Variants in COA1 observed in about 807,000 individuals in gnomAD.
COA1 encodes cytochrome c oxidase assembly factor 1 homolog.
COA1 carries 13 observed loss-of-function variants against 16.0 expected under a neutral mutation model. The observed-to-expected ratio is 0.81, with a 90% CI of 0.53 to 1.29. COA1 has a LOEUF of 1.29. COA1 is among the 50% of genes most tolerant of loss of function. The pLI, the probability that COA1 is intolerant of heterozygous loss-of-function variation, is 0.00. For missense variants in COA1, 179 were observed against 177.0 expected, an observed-to-expected ratio of 1.01 and a Z score of -0.06; for synonymous variants, 65 against 65.7, an observed-to-expected ratio of 0.99 and a Z score of 0.05.
chr7:43,690,848 T>A (rs1407060739), intron 1 of COA1, among the ~76,000 whole-genome samples: 2 of 151,846 alleles, frequency 1.3e-5, no homozygotes, highest in Non-Finnish European at 2.9e-5. Context: ...TCTACAAACA[T>A]ATGGAATATC....
At chr7:43,644,744 A>AGATAGATAGTTAGATAGATG (rs2088425777) in intron 4 of COA1, among the ~76,000 whole-genome samples, 1 of 90,366 alleles carries the variant, frequency 1.1e-5, no homozygotes, top group Non-Finnish European at 2.5e-5. Context: ...ATAGATAGAT[A>AGATAGATAGTTAGATAGATG]GATAGATAGA....
chr7:43,621,167 CTTAG>C (rs767605385), intron 6 of COA1, among the ~76,000 whole-genome samples: 1 of 152,068 alleles, frequency 6.6e-6, no homozygotes, highest in Admixed American at 6.6e-5. Flanking sequence ...TTAAAAGATC[CTTAG>C]TTAATTAGAT....
chr7:43,658,597 A>T (rs1364815927), intron 1 of COA1: 1 of 152,210 alleles, frequency 6.6e-6, no homozygotes, highest in African/African-American at 2.4e-5. Context: ...ATCTACTCTA[A>T]TTTCACTCCT....
chr7:43,689,636 A>G (rs1445928287), intron 1 of COA1, among the ~76,000 whole-genome samples: 1 of 152,208 alleles, frequency 6.6e-6, no homozygotes, highest in Non-Finnish European at 1.5e-5. Context: ...GTTAAAAGGC[A>G]TATTTTCTCA....
At chr7:43,675,269 A>G (rs930961393) in intron 1 of COA1, among the ~76,000 whole-genome samples, 11 of 152,238 alleles carry the variant, frequency 7.2e-5, no homozygotes, top group African/African-American at 2.4e-4. Flanking sequence ...TGAAGACTTC[A>G]TGTCCTTTGT....
In COA1 at chr7:43,645,484, C is replaced by T. The variant is rs145061882; in HGVS notation, c.116-85G>A. The T allele has an allele frequency of 4.3e-4, 531 of 1,223,248 alleles. 7 individuals are homozygous for T. In the East Asian group the frequency reaches 0.011, roughly 24 times the overall value. 75.8% of individuals were successfully genotyped at this position (1,223,248 alleles called of 1,614,324 possible). Reference sequence around the variant, plus strand: ...ACAGAAAATTAAATAATCCAACTGACGTACAGGGTAGAAACAGAAACGTGA... The same window carrying T: ...ACAGAAAATTAAATAATCCAACTGATGTACAGGGTAGAAACAGAAACGTGA... On this transcript the variant is annotated intron_variant, in intron 3 of 5. Coordinates refer to ENST00000223336, the MANE Select transcript of COA1 (RefSeq NM_018224.4).
intron 1 of COA1, among the ~76,000 whole-genome samples, chr7:43,706,024 T>C (rs572312952): frequency 6.6e-6 from 1 of 152,254 alleles, no homozygotes; most frequent in African/African-American, 2.4e-5. Context: ...GCTGGCCTAC[T>C]TGATGGCCTG....
chr7:43,638,440 C>T (rs2086271263), downstream of COA1, among the ~76,000 whole-genome samples: 1 of 152,048 alleles, frequency 6.6e-6, no homozygotes. Flanking sequence ...AATATGTTTC[C>T]TTATAAGACT....
At chr7:43,725,847 G>A (rs188930293) in intron 1 of COA1, among the ~76,000 whole-genome samples, 131 of 150,960 alleles carry the variant, frequency 8.7e-4, no homozygotes, top group African/African-American at 3.0e-3. Context: ...TACCAAGAGC[G>A]AAACTCCATC....
intron 6 of COA1, among the ~76,000 whole-genome samples, chr7:43,624,078 A>G (rs1339988291): frequency 2.0e-5 from 3 of 152,220 alleles, no homozygotes; most frequent in East Asian, 1.9e-4. Flanking sequence ...AACTTGAAAG[A>G]AAAGGGGGCA....
chr7:43,640,877 G>A (rs1223389938), intron 4 of COA1: 1 of 472,046 alleles, frequency 2.1e-6, no homozygotes, highest in African/African-American at 2.0e-5. Context: ...ATTTGGCAAG[G>A]AGGACTCCTA....
At chr7:43,622,747 C>T (rs186550844) in intron 6 of COA1, 175 of 151,378 alleles carry the variant, frequency 1.2e-3, no homozygotes, top group African/African-American at 4.1e-3. Context: ...ATCACCCAGG[C>T]TGGAGTGCAC....
chr7:43,665,230 G>C (rs2153181362), intron 1 of COA1, among the ~76,000 whole-genome samples: 1 of 152,212 alleles, frequency 6.6e-6, no homozygotes, highest in East Asian at 1.9e-4. Flanking sequence ...GAAAAGATTT[G>C]AGCTTTCAAT....
intron 1 of COA1, among the ~76,000 whole-genome samples, chr7:43,687,218 T>C (rs984926569): frequency 6.6e-6 from 1 of 152,188 alleles, no homozygotes; most frequent in Non-Finnish European, 1.5e-5. Context: ...CATGAACGAT[T>C]TCATGGTTCA....
At chr7:43,690,037 C>G (rs868432929) in intron 1 of COA1, among the ~76,000 whole-genome samples, 1 of 151,930 alleles carries the variant, frequency 6.6e-6, no homozygotes, top group South Asian at 2.1e-4. Context: ...TAAACCTGAA[C>G]ATATTGATAA....
At chr7:43,658,152 G>A (rs1029173676) in intron 1 of COA1, among the ~76,000 whole-genome samples, 1 of 152,072 alleles carries the variant, frequency 6.6e-6, no homozygotes, top group Non-Finnish European at 1.5e-5. Flanking sequence ...CGAGGCGGGT[G>A]GATCACGGGG....
At chr7:43,635,373 G>GC (rs927560969), downstream of COA1, among the ~76,000 whole-genome samples, 4 of 152,108 alleles carry the variant, frequency 2.6e-5, no homozygotes, top group Admixed American at 6.5e-5. Context: ...GTAACAAATA[G>GC]CCCCCCATCT....
At chr7:43,641,057 C>T (rs1376941552) in intron 4 of COA1, 1 of 154,064 alleles carries the variant, frequency 6.5e-6, no homozygotes, top group Non-Finnish European at 1.4e-5. Flanking sequence ...ACAGGCTAAA[C>T]TGTCCTGGAA....
chr7:43,696,450 A>C (rs186023600), intron 1 of COA1, among the ~76,000 whole-genome samples: 1 of 152,352 alleles, frequency 6.6e-6, no homozygotes, highest in African/African-American at 2.4e-5. Flanking sequence ...CATTGTCTAT[A>C]AAAGCAAATT....
Sources: allele counts gnomAD v4.1 joint callset (sites outside exome capture counted in the v4.1 genomes callset), GRCh38; gene constraint gnomAD v4.1.1; transcripts MANE v1.5; gene names NCBI Gene and HGNC (gene_info 2026-07-23, HGNC 2026-07-21).